Variants in ARMC8 observed in about 807,000 individuals in gnomAD.
The protein encoded by ARMC8 is armadillo repeat-containing protein 8.
In ARMC8, 20 loss-of-function variants were observed where a neutral mutation model predicts 99.3. The ratio of observed to expected loss-of-function variants is 0.20; its 90% CI spans 0.14 to 0.29. The LOEUF is 0.29. ARMC8 is among the 10% of genes least tolerant of loss of function. The pLI is 1.00. For missense variants in ARMC8, 569 were observed against 809.5 expected (o/e 0.70, Z 3.60); for synonymous variants, 263 against 278.3 (o/e 0.95, Z 0.55).
chr3:138,204,418 C>T (rs2044249491), intron 1 of ARMC8, among the ~76,000 whole-genome samples: 1 of 152,192 alleles, frequency 6.6e-6, no homozygotes, highest in South Asian at 2.1e-4. Context: ...TAAGCATGCT[C>T]CAATTTATTC....
intron 21 of ARMC8, among the ~76,000 whole-genome samples, chr3:138,291,525 G>C (rs1327669738): frequency 6.6e-6 from 1 of 152,196 alleles, no homozygotes; most frequent in African/African-American, 2.4e-5. Context: ...AATTGATGAA[G>C]TCTTTGCCCT....
intron 12 of ARMC8, chr3:138,246,410 A>T (rs777195823): frequency 2.0e-6 from 2 of 985,566 alleles, no homozygotes; most frequent in Non-Finnish European, 2.4e-6. Context: ...AGTGATATAT[A>T]TATGATTTAT....
intron 21 of ARMC8, among the ~76,000 whole-genome samples, chr3:138,292,387 T>C (rs972581017): frequency 6.6e-6 from 1 of 152,158 alleles, no homozygotes; most frequent in African/African-American, 2.4e-5. Flanking sequence ...CAGAGAACCA[T>C]CTGTAGGAGG....
intron 2 of ARMC8, among the ~76,000 whole-genome samples, chr3:138,215,421 T>G (rs2044963350): frequency 6.6e-6 from 1 of 152,118 alleles, no homozygotes; most frequent in East Asian, 1.9e-4. Context: ...TTTCACCGTG[T>G]TAACCAGGAT....
chr3:138,263,583 T>A (rs1031160070), intron 12 of ARMC8, 156 bp from the exon 13 acceptor site: 3 of 681,586 alleles, frequency 4.4e-6, no homozygotes, highest in Non-Finnish European at 7.9e-6. Context: ...TCTGATGAGC[T>A]GCCCGCCCCC....
chr3:138,205,285 G>A (rs941471529), intron 1 of ARMC8, among the ~76,000 whole-genome samples: 4 of 151,534 alleles, frequency 2.6e-5, no homozygotes, highest in African/African-American at 4.8e-5. Flanking sequence ...TCCTGACCTC[G>A]TGATCTGCCC....
chr3:138,197,150 G>A (rs1433514038), intron 1 of ARMC8, among the ~76,000 whole-genome samples: 1 of 152,208 alleles, frequency 6.6e-6, no homozygotes, highest in Admixed American at 6.5e-5. Flanking sequence ...GGAATAGACA[G>A]ATTCGAAGTG....
intron 9 of ARMC8, 122 bp from the exon 10 acceptor site, chr3:138,239,346 A>C (rs951925173): frequency 4.7e-6 from 3 of 644,028 alleles, no homozygotes; most frequent in African/African-American, 3.9e-5. Context: ...CAAAATCTTC[A>C]CTCTCAAGAT....
intron 1 of ARMC8, among the ~76,000 whole-genome samples, chr3:138,206,405 C>T (rs1299863638): frequency 6.6e-6 from 1 of 152,204 alleles, no homozygotes; most frequent in Admixed American, 6.5e-5. Context: ...TTCTCTGCCT[C>T]ATCTCCTGCT....
At chr3:138,200,409 A>G (rs775366905) in intron 1 of ARMC8, among the ~76,000 whole-genome samples, 7 of 152,230 alleles carry the variant, frequency 4.6e-5, no homozygotes, top group Non-Finnish European at 7.3e-5. Context: ...CACATGAGTT[A>G]CATTCTTGGA....
intron 5 of ARMC8, among the ~76,000 whole-genome samples, chr3:138,226,337 C>T (rs1048790672): frequency 2.0e-5 from 3 of 152,194 alleles, no homozygotes; most frequent in South Asian, 4.1e-4. Flanking sequence ...TGACATTCTT[C>T]AGGGAGTCAT....
intron 1 of ARMC8, among the ~76,000 whole-genome samples, chr3:138,205,921 A>G (rs148289451): frequency 3.3e-5 from 5 of 152,384 alleles, no homozygotes; most frequent in East Asian, 1.9e-4. Flanking sequence ...GTGCTATCCA[A>G]TGGAAAAAGG....
At chr3:138,199,985 G>C (rs1289904893) in intron 1 of ARMC8, among the ~76,000 whole-genome samples, 2 of 152,210 alleles carry the variant, frequency 1.3e-5, no homozygotes, top group East Asian at 3.8e-4. Context: ...GGGGCTCCCA[G>C]TTGACCGGAA....
intron 19 of ARMC8, among the ~76,000 whole-genome samples, chr3:138,286,609 TC>T (rs1427885706): frequency 6.6e-6 from 1 of 152,204 alleles, no homozygotes; most frequent in African/African-American, 2.4e-5. Context: ...TAGGGAGCTT[TC>T]AAAGATTACT....
chr3:138,190,281 CTTTTTTTTTTTTTT>C (rs141579108), intron 1 of ARMC8, among the ~76,000 whole-genome samples: 8 of 114,370 alleles, frequency 7.0e-5, no homozygotes, highest in African/African-American at 2.5e-4. Flanking sequence ...ATTTTCTTAT[CTTTTTTTTTTTTTT>C]TTTTTTTTGA....
rs1420982397 is a variant in ARMC8, at chr3:138,245,122, G to A, written c.1073G>A (p.Arg358His). The A allele has an allele frequency of 9.9e-6, 16 of 1,613,856 alleles. No homozygotes were observed. The highest frequency in any genetic ancestry group is 2.2e-5 in the East Asian group (1 of 44,880). Residue 358 changes from arginine (R) to histidine (H), a missense_variant, in exon 12 of 22, where the codon CGC becomes CAC. Arg to His is a conservative substitution (Grantham distance 29). Transcript: ENST00000469044. The part of the protein sequence containing the change: ...DHDLKHAHEL[R>H]QAAFKLYASL... ...GATTTAAAACATGCTCACGAACTCC[G>A]CCAGGCTGCATTCAAGCTCTATGCC...
chr3:138,267,354 G>A lies in ARMC8; in HGVS notation c.1386+113G>A, dbSNP rs60728600. 608 of 589,916 alleles carry A rather than the reference G, an allele frequency of 1.0e-3. 4 individuals carry two copies. The African/African-American group carries it at 0.01, about 10-fold the overall frequency. The allele number at this position is 589,916 out of a possible 1,614,324, so 36.5% of individuals were successfully genotyped here. On this transcript the variant is annotated intron_variant, in intron 15 of 21. Transcript: ENST00000469044. ...GTGGGTTGGGTTTAAAAACTACTTC[G>A]GAATTGTTTGATTGCATAGCGGTAG...
At chr3:138,225,136 G>A (rs1189995371) in intron 5 of ARMC8, among the ~76,000 whole-genome samples, 1 of 146,120 alleles carries the variant, frequency 6.8e-6, no homozygotes, top group African/African-American at 2.6e-5. Context: ...TTTGGAGACG[G>A]TGTCTCTCTC....
intron 11 of ARMC8, among the ~76,000 whole-genome samples, chr3:138,244,448 T>C (rs2046786489): frequency 6.6e-6 from 1 of 152,052 alleles, no homozygotes; most frequent in Non-Finnish European, 1.5e-5. Context: ...CAGCTCATTT[T>C]TTTGTATTTT....
Sources: allele counts gnomAD v4.1 joint callset (sites outside exome capture counted in the v4.1 genomes callset), GRCh38; gene constraint gnomAD v4.1.1; transcripts MANE v1.5; gene names NCBI Gene and HGNC (gene_info 2026-07-23, HGNC 2026-07-21).